Variants in MCTP2 observed in about 807,000 individuals in gnomAD.
MCTP2 encodes the protein multiple C2 and transmembrane domain containing 2.
Under a neutral mutation model 111.6 loss-of-function variants are expected in MCTP2, and 132 were observed. The observed-to-expected ratio is 1.18, with a 90% CI of 1.03 to 1.37. MCTP2 has a LOEUF of 1.37. Ranked by LOEUF, MCTP2 falls within the 40% of genes most tolerant of loss-of-function variation. MCTP2 has a pLI of 0.00. For missense variants in MCTP2, 1,183 were observed against 1,067.9 expected, an observed-to-expected ratio of 1.11 and a Z score of -1.50; for synonymous variants, 395 against 387.7, an observed-to-expected ratio of 1.02 and a Z score of -0.22.
In MCTP2 at chr15:94,283,032, G is replaced by T. The variant is rs568119114; in HGVS notation, c.-65-15169G>T. 1.3e-3 allele frequency among the ~76,000 whole-genome samples: 201 copies of T among 152,236 alleles called. 1 individual carries two copies. Among genetic ancestry groups the T allele is most frequent in the African/African-American group, 4.7e-3 (194 of 41,536 alleles). Reference sequence around the variant, plus strand: ...TATGTGTGTGCACTGGTGAGGCAGTGGGAGGAGGCTGTGGGTGGGTGCACC... The same window carrying T: ...TATGTGTGTGCACTGGTGAGGCAGTTGGAGGAGGCTGTGGGTGGGTGCACC... On this transcript the variant is annotated intron_variant, in intron 1 of 22. Transcript: ENST00000357742.
chr15:94,425,029 A>G (rs116487052), intron 17 of MCTP2, among the ~76,000 whole-genome samples: 13 of 151,638 alleles, frequency 8.6e-5, no homozygotes, highest in Admixed American at 2.0e-4. Flanking sequence ...AAATTACCCA[A>G]TTTTTCCTGT....
intron 1 of MCTP2, among the ~76,000 whole-genome samples, chr15:94,280,476 G>A (rs1384862271): frequency 6.8e-6 from 1 of 147,998 alleles, no homozygotes; most frequent in Non-Finnish European, 1.5e-5. Flanking sequence ...GTTTCTGATT[G>A]TGTTGATTTG....
chr15:94,373,518 C>T (rs1229680545), intron 12 of MCTP2, among the ~76,000 whole-genome samples: 1 of 151,848 alleles, frequency 6.6e-6, no homozygotes, highest in East Asian at 1.9e-4. Flanking sequence ...TAAATTATGC[C>T]TTTTTTAATA....
chr15:94,390,269 A>C (rs962689931), intron 14 of MCTP2, among the ~76,000 whole-genome samples: 3 of 151,858 alleles, frequency 2.0e-5, no homozygotes, highest in Non-Finnish European at 4.4e-5. Context: ...ATTCATGGTT[A>C]AAAACAGTAG....
chr15:94,331,731 C>T (rs1017041743), intron 4 of MCTP2, among the ~76,000 whole-genome samples: 1 of 152,184 alleles, frequency 6.6e-6, no homozygotes, highest in African/African-American at 2.4e-5. Context: ...GGAGCTATTA[C>T]ATCTCAGGGT....
chr15:94,460,227 CAATTCTG>C lies in MCTP2; in HGVS notation c.2360+1984_2360+1990del, dbSNP rs1421394769. Among the ~76,000 whole-genome samples, 3 of 152,204 alleles carry C rather than the reference CAATTCTG, an allele frequency of 2.0e-5. No individual in the cohort carries two copies. The East Asian group carries it at 5.8e-4, about 29-fold the overall frequency. ...ATGTAGGAGAAAGACAGACCGCAGG[CAATTCTG>C]AAACAGAAGAAACTTATCAGCATCT... On this transcript the variant is annotated intron_variant, in intron 20 of 22. Transcript: ENST00000357742.
chr15:94,342,388 C>T (rs1198698243), intron 7 of MCTP2: 1 of 152,082 alleles, frequency 6.6e-6, no homozygotes, highest in Non-Finnish European at 1.5e-5. Flanking sequence ...ACTATGTTTT[C>T]AGGGCTCAAG....
At chr15:94,420,518 A>C (rs1291559371) in intron 17 of MCTP2, among the ~76,000 whole-genome samples, 1 of 152,186 alleles carries the variant, frequency 6.6e-6, no homozygotes, top group East Asian at 1.9e-4. Flanking sequence ...AGGAGGTTAA[A>C]ATATCAACAT....
At chr15:94,429,374 C>T (rs1435426104) in intron 17 of MCTP2, among the ~76,000 whole-genome samples, 1 of 152,140 alleles carries the variant, frequency 6.6e-6, no homozygotes, top group African/African-American at 2.4e-5. Flanking sequence ...TTGTAATAAA[C>T]CCTTTCAAAG....
At chr15:94,360,331 C>CT (rs1416750234) in intron 10 of MCTP2, among the ~76,000 whole-genome samples, 1 of 152,186 alleles carries the variant, frequency 6.6e-6, no homozygotes, top group Non-Finnish European at 1.5e-5. Context: ...TGTCGGATGA[C>CT]TTCTGTGACC....
chr15:94,448,675 G>A (rs909555006), intron 19 of MCTP2, among the ~76,000 whole-genome samples: 2 of 152,122 alleles, frequency 1.3e-5, no homozygotes, highest in African/African-American at 4.8e-5. Flanking sequence ...TTGGATAAAG[G>A]ATACTCAACC....
intron 12 of MCTP2, among the ~76,000 whole-genome samples, chr15:94,372,216 C>T (rs979977768): frequency 1.3e-5 from 2 of 152,188 alleles, no homozygotes; most frequent in African/African-American, 4.8e-5. Context: ...TGGTGTTTCA[C>T]TATTTCTGTA....
At chr15:94,318,673 C>T (rs1484438490) in intron 4 of MCTP2, among the ~76,000 whole-genome samples, 2 of 152,202 alleles carry the variant, frequency 1.3e-5, no homozygotes, top group African/African-American at 4.8e-5. Flanking sequence ...TTCTTTCTCC[C>T]TCACTGCTGT....
intron 4 of MCTP2, among the ~76,000 whole-genome samples, chr15:94,326,053 T>G (rs1411099487): frequency 6.6e-6 from 1 of 151,968 alleles, no homozygotes; most frequent in Non-Finnish European, 1.5e-5. Flanking sequence ...TCTCCTGACC[T>G]TGTGATCTGC....
At chr15:94,284,473 G>A (rs542847548) in intron 1 of MCTP2, among the ~76,000 whole-genome samples, 14 of 152,266 alleles carry the variant, frequency 9.2e-5, no homozygotes, top group African/African-American at 3.4e-4. Context: ...TTTCCATAAT[G>A]CAATCCTATA....
Position 94,476,684 on chromosome 15 carries a change from T to A in MCTP2, c.2471-12T>A. On this transcript the variant is annotated splice_polypyrimidine_tract_variant and intron_variant, in intron 21 of 22. Coordinates refer to ENST00000357742, the MANE Select transcript of MCTP2 (RefSeq NM_001385001.1). ...GACAGATAAAGAGATCTCCTGTGTT[T>A]CTATTTTTCAGGCATAAATAAATTT... is the stretch of plus-strand genomic sequence containing the variant. The A allele has an allele frequency of 7.3e-7, 1 of 1,374,392 alleles. No individual in the cohort carries two copies. Among genetic ancestry groups the A allele is most frequent in the South Asian group, 1.2e-5 (1 of 85,860 alleles). 85.1% of individuals were successfully genotyped at this position (1,374,392 alleles called of 1,614,324 possible).
At chr15:94,366,117 T>G (rs938551554) in intron 10 of MCTP2, among the ~76,000 whole-genome samples, 4 of 152,192 alleles carry the variant, frequency 2.6e-5, no homozygotes, top group Non-Finnish European at 4.4e-5. Context: ...ATCATGCTTA[T>G]GAAATAAAAA....
At chr15:94,355,297 CCAGA>C (rs2078555076) in intron 8 of MCTP2, among the ~76,000 whole-genome samples, 1 of 152,154 alleles carries the variant, frequency 6.6e-6, no homozygotes, top group Non-Finnish European at 1.5e-5. Context: ...ATAAGATTTG[CCAGA>C]CAGTGAATCT....
chr15:94,243,799 A>G (rs571920243), intron 1 of MCTP2, among the ~76,000 whole-genome samples: 2 of 148,198 alleles, frequency 1.3e-5, no homozygotes, highest in East Asian at 4.1e-4. Context: ...ATATACACAT[A>G]TGCGTATATA....
Sources: allele counts gnomAD v4.1 joint callset (sites outside exome capture counted in the v4.1 genomes callset), GRCh38; gene constraint gnomAD v4.1.1; transcripts MANE v1.5; gene names NCBI Gene and HGNC (gene_info 2026-07-23, HGNC 2026-07-21).